The following MAP2 variants were observed in gnomAD, a reference collection of about 807,000 sequenced individuals.
MAP2 encodes the protein microtubule associated protein 2, also known as microtubule-associated protein 2.
A neutral mutation model predicts 137.6 loss-of-function variants in MAP2; 14 were observed. The ratio of observed to expected loss-of-function variants is 0.10; its 90% CI spans 0.07 to 0.16. MAP2 has a LOEUF of 0.16. Ranked by LOEUF, MAP2 falls within the 10% of genes least tolerant of loss-of-function variation. The probability of loss-of-function intolerance (pLI) is 1.00; values close to 1 mark genes in which losing one functional copy is unlikely to be tolerated. For synonymous variants in MAP2, 786 were observed against 782.3 expected, an observed-to-expected ratio of 1.00 and a Z score of -0.08; for missense variants, 2,088 against 2,191.5, an observed-to-expected ratio of 0.95 and a Z score of 0.94.
chr2:209,722,649 C>T (rs757495051), intron 13 of MAP2, among the ~76,000 whole-genome samples: 2 of 152,036 alleles, frequency 1.3e-5, no homozygotes, highest in Non-Finnish European at 2.9e-5. Flanking sequence ...CTTATGTGTC[C>T]TCCAAAAGAT....
At chr2:209,542,923 CTGGAG>C (rs1472760057) in intron 2 of MAP2, among the ~76,000 whole-genome samples, 4 of 152,268 alleles carry the variant, frequency 2.6e-5, no homozygotes, top group Non-Finnish European at 5.9e-5. Flanking sequence ...TGTATGTTTT[CTGGAG>C]TAGTACTTTT....
intron 1 of MAP2, among the ~76,000 whole-genome samples, chr2:209,477,131 G>C (rs896911389): frequency 1.3e-5 from 2 of 152,154 alleles, no homozygotes; most frequent in Non-Finnish European, 2.9e-5. Context: ...CACCTTGCAG[G>C]CCATTGGTGT....
chr2:209,506,795 T>G (rs1006458503), intron 1 of MAP2, among the ~76,000 whole-genome samples: 1 of 152,210 alleles, frequency 6.6e-6, no homozygotes, highest in Non-Finnish European at 1.5e-5. Context: ...TTGGACTGAT[T>G]GTCGACCCAG....
At chr2:209,671,704 G>A (rs529964511) in intron 5 of MAP2, among the ~76,000 whole-genome samples, 14 of 151,790 alleles carry the variant, frequency 9.2e-5, no homozygotes, top group Non-Finnish European at 1.5e-5. Context: ...GAATTTACAG[G>A]CACTGTCTCT....
intron 2 of MAP2, among the ~76,000 whole-genome samples, chr2:209,526,869 C>T (rs1040302773): frequency 2.0e-5 from 3 of 151,928 alleles, no homozygotes; most frequent in Non-Finnish European, 2.9e-5. Context: ...CTTTCCTAAG[C>T]TTGATCATCC....
At chr2:209,579,546 C>T (rs539269732) in intron 2 of MAP2, 5 of 152,272 alleles carry the variant, frequency 3.3e-5, no homozygotes, top group African/African-American at 1.2e-4. Context: ...CTCTCCCACT[C>T]GCCTTATTTT....
chr2:209,645,958 G>T (rs2094395472), intron 4 of MAP2, among the ~76,000 whole-genome samples: 1 of 152,162 alleles, frequency 6.6e-6, no homozygotes, highest in Admixed American at 6.5e-5. Flanking sequence ...GGTCAAGGTG[G>T]ATGGAATGCT....
At chr2:209,630,201 A>G (rs1014232896) in intron 4 of MAP2, among the ~76,000 whole-genome samples, 2 of 152,160 alleles carry the variant, frequency 1.3e-5, no homozygotes, top group Non-Finnish European at 2.9e-5. Flanking sequence ...TCATAATCCA[A>G]GGGCTCAGAA....
chr2:209,426,696 C>T (rs986644927), intron 1 of MAP2, among the ~76,000 whole-genome samples: 6 of 152,176 alleles, frequency 3.9e-5, no homozygotes, highest in Non-Finnish European at 7.4e-5. Context: ...CTTCCCATAG[C>T]AGCCTTTACT....
At chr2:209,655,729 T>A (rs2153616419) in intron 5 of MAP2, among the ~76,000 whole-genome samples, 1 of 152,296 alleles carries the variant, frequency 6.6e-6, no homozygotes, top group East Asian at 1.9e-4. Context: ...GGACCAGGGA[T>A]CTATACATCA....
intron 1 of MAP2, among the ~76,000 whole-genome samples, chr2:209,480,537 AGTTT>A (rs71043928): frequency 0.2 from 30,720 of 150,518 alleles, 3,764 homozygotes; most frequent in Non-Finnish European, 0.28. Flanking sequence ...GATGATCTAA[AGTTT>A]GTTTGTTTGT....
intron 3 of MAP2, among the ~76,000 whole-genome samples, chr2:209,602,269 T>C (rs2083235306): frequency 6.6e-6 from 1 of 152,230 alleles, no homozygotes; most frequent in Non-Finnish European, 1.5e-5. Flanking sequence ...GGGTTAAAAA[T>C]ATAATTGGCT....
chr2:209,524,379 A>G (rs555794060), intron 2 of MAP2, among the ~76,000 whole-genome samples: 13 of 152,088 alleles, frequency 8.5e-5, no homozygotes, highest in African/African-American at 2.9e-4. Flanking sequence ...AGAGTTTTCA[A>G]CAATTAAGCA....
chr2:209,527,316 G>A (rs936475157), intron 2 of MAP2, among the ~76,000 whole-genome samples: 1 of 152,032 alleles, frequency 6.6e-6, no homozygotes, highest in African/African-American at 2.4e-5. Flanking sequence ...TAACTAGAAT[G>A]TTCATAGAGC....
intron 3 of MAP2, among the ~76,000 whole-genome samples, chr2:209,593,801 A>G (rs1579659278): frequency 1.8e-4 from 3 of 16,414 alleles, no homozygotes; most frequent in East Asian, 1.6e-3. Context: ...ATTATATATA[A>G]TATATAATAT....
At chr2:209,593,846 A>ATATT (rs1185744057) in intron 3 of MAP2, among the ~76,000 whole-genome samples, 4 of 99,954 alleles carry the variant, frequency 4.0e-5, no homozygotes, top group South Asian at 2.7e-4. Flanking sequence ...ATATTATAAT[A>ATATT]TATATTATAA....
chr2:209,725,250 G>A (rs2073446908), intron 13 of MAP2, among the ~76,000 whole-genome samples: 1 of 152,136 alleles, frequency 6.6e-6, no homozygotes, highest in Non-Finnish European at 1.5e-5. Flanking sequence ...AACAATTTAG[G>A]AAAGCACATT....
At chr2:209,441,587 A>G (rs1355831178) in intron 1 of MAP2, among the ~76,000 whole-genome samples, 1 of 151,560 alleles carries the variant, frequency 6.6e-6, no homozygotes, top group African/African-American at 2.4e-5. Flanking sequence ...TATCAAAGGG[A>G]AATAATGAGA....
intron 1 of MAP2, among the ~76,000 whole-genome samples, chr2:209,433,353 G>A (rs1574675237): frequency 1.3e-5 from 2 of 152,208 alleles, no homozygotes; most frequent in East Asian, 3.9e-4. Context: ...TCAAGTGAGA[G>A]AGAGTAGCCT....
Sources: gnomAD v4.1 joint callset for allele counts (sites outside exome capture counted in the v4.1 genomes callset) on GRCh38, gnomAD v4.1.1 for gene constraint, MANE v1.5 for transcripts, NCBI Gene and HGNC (gene_info 2026-07-23, HGNC 2026-07-21) for gene names.